The following LHX6 variants were observed in gnomAD, a reference collection of about 807,000 sequenced individuals.
LHX6 encodes LIM homeobox 6, also known as LIM/homeobox protein Lhx6.
In LHX6, 15 loss-of-function variants were observed where a neutral mutation model predicts 47.1. The ratio of observed to expected loss-of-function variants is 0.32; its 90% CI spans 0.21 to 0.49. The LOEUF (loss-of-function observed/expected upper bound fraction) is 0.49, where lower values mean the gene tolerates loss of function less well. LHX6 is among the 20% of genes least tolerant of loss of function. The pLI is 0.99. For synonymous variants in LHX6, 242 were observed against 233.5 expected, an observed-to-expected ratio of 1.04 and a Z score of -0.33; for missense variants, 404 against 539.6, an observed-to-expected ratio of 0.75 and a Z score of 2.49.
intron 8 of LHX6, among the ~76,000 whole-genome samples, chr9:122,211,585 C>T (rs138127157): frequency 4.9e-4 from 75 of 152,332 alleles, no homozygotes; most frequent in African/African-American, 1.8e-3. Flanking sequence ...TACCATAGAG[C>T]AAACTGCTGT....
At chr9:122,223,132 G>A (rs572873479) in intron 4 of LHX6, among the ~76,000 whole-genome samples, 14 of 152,170 alleles carry the variant, frequency 9.2e-5, no homozygotes, top group East Asian at 1.9e-4. Context: ...GCACTCGATC[G>A]GCTTTTTCTT....
intron 2 of LHX6, 178 bp downstream of exon 2, chr9:122,227,231 T>C: frequency 1.3e-6 from 1 of 794,056 alleles, no homozygotes; most frequent in Non-Finnish European, 1.9e-6. Context: ...GCATTCTGGG[T>C]GCTGGGAGCG....
chr9:122,206,638 T>G (rs978224316), intron 9 of LHX6, among the ~76,000 whole-genome samples: 1 of 151,966 alleles, frequency 6.6e-6, no homozygotes, highest in Non-Finnish European at 1.5e-5. Context: ...GCATGGCTCA[T>G]CCCCCAGGCT....
chr9:122,209,604 C>T lies in LHX6; in HGVS notation c.1158+10G>A, dbSNP rs749006798. On this transcript the variant is annotated intron_variant, in intron 9 of 9. Coordinates refer to ENST00000394319, the MANE Select transcript of LHX6 (RefSeq NM_014368.5). ...CTCTGACCCACCAGACCCAACCTGG[C>T]TCCATTTACCTTCTCACCCCGGTTG... The T allele has an allele frequency of 8.1e-6, 13 of 1,613,098 alleles. No individual in the cohort carries two copies. The East Asian group carries it at 1.1e-4, about 14-fold the overall frequency.
intron 4 of LHX6, among the ~76,000 whole-genome samples, chr9:122,225,590 GCCCAGTTCT>G (rs961313055): frequency 6.6e-6 from 1 of 152,252 alleles, no homozygotes; most frequent in African/African-American, 2.4e-5. Context: ...GGCTCCGGGT[GCCCAGTTCT>G]CCCACTTCCC....
rs1831094062 is a variant in LHX6 at position 122,226,290 on chromosome 9, G to A, written c.461+86C>T. 7 of 1,499,930 alleles carry A rather than the reference G, an allele frequency of 4.7e-6. No homozygotes were observed. Among genetic ancestry groups the A allele is most frequent in the Admixed American group, 2.1e-5 (1 of 46,970 alleles). The allele number at this position is 1,499,930 out of a possible 1,614,324, so 92.9% of individuals were successfully genotyped here. ...CACTCGGGACGCCGGGGTTCTGGAGGAGAGACCACACGCCGCAAAAGTGGC... is the reference window on the plus strand; with the variant it reads ...CACTCGGGACGCCGGGGTTCTGGAGAAGAGACCACACGCCGCAAAAGTGGC... On this transcript the variant is annotated intron_variant, in intron 4 of 9. Coordinates refer to ENST00000394319, the MANE Select transcript of LHX6 (RefSeq NM_014368.5). The surrounding 1 kb of genome is among the most constrained non-coding windows in gnomAD (Gnocchi z 6.5).
chr9:122,221,282 C>T (rs1830843672), intron 4 of LHX6: 2 of 985,258 alleles, frequency 2.0e-6, no homozygotes, highest in Non-Finnish European at 2.4e-6. Context: ...CTCGGAGGTC[C>T]CGGCCCCGAG....
intron 9 of LHX6, among the ~76,000 whole-genome samples, chr9:122,205,672 AATG>A (rs1332194350): frequency 2.6e-5 from 4 of 152,158 alleles, no homozygotes; most frequent in African/African-American, 9.7e-5. Flanking sequence ...GGAGGAAAGC[AATG>A]ATGATGATCA....
At chr9:122,211,093 G>C (rs1050486289) in intron 8 of LHX6, among the ~76,000 whole-genome samples, 2 of 152,144 alleles carry the variant, frequency 1.3e-5, no homozygotes, top group African/African-American at 4.8e-5. Flanking sequence ...GTCCACCTTT[G>C]GGTCGGATCC....
chr9:122,213,083 C>T lies in LHX6; in HGVS notation c.1054+523G>A, dbSNP rs1337837242. Among the ~76,000 whole-genome samples the T allele has an allele frequency of 6.6e-6, 1 of 152,026 alleles. No individual in the cohort carries two copies. Among genetic ancestry groups the T allele is most frequent in the African/African-American group, 2.4e-5 (1 of 41,404 alleles). ...ACGATGCTTTCTGGGCCAGGGCCTG[C>T]GTGCATTCCGTTCCCCCACTCCAGG... On this transcript the variant is annotated intron_variant, in intron 8 of 9. Coordinates refer to ENST00000394319, the MANE Select transcript of LHX6 (RefSeq NM_014368.5). The surrounding 1 kb of genome is among the most constrained non-coding windows in gnomAD (Gnocchi z 5.5).
At position 122,213,907 on chromosome 9, in the gene LHX6, C is replaced by T. The variant is rs760508737; in HGVS notation, c.879+67G>A. The stretch of plus-strand genomic sequence containing the variant: ...GGCCACGTGCACGCACCACCCTCCG[C>T]GCCGAGCCCAGCTACGAGCTCCGGG... On this transcript the variant is annotated intron_variant, in intron 7 of 9. Coordinates refer to ENST00000394319, the MANE Select transcript of LHX6 (RefSeq NM_014368.5). The surrounding 1 kb of genome is among the most constrained non-coding windows in gnomAD (Gnocchi z 5.5). 7 of 1,536,978 alleles carry T rather than the reference C, an allele frequency of 4.6e-6. No homozygotes were observed. Among genetic ancestry groups the T allele is most frequent in the Non-Finnish European group, 6.2e-6 (7 of 1,132,824 alleles).
chr9:122,228,727 T>A lies in LHX6; in HGVS notation c.14A>T (p.His5Leu). ...GGGCAACGCCGGGGCGGCGTTCTCA[T>A]GCTTCCAGTACATGGGCCGGGGAAC... is the stretch of plus-strand genomic sequence containing the variant. MYWK[H>L]ENAAPALPEG... The change falls in exon 1 of 10, where the codon CAT (histidine) becomes CTT (leucine). Residue 5 changes from histidine (H) to leucine (L), a missense_variant. Coordinates refer to ENST00000394319, the MANE Select transcript of LHX6 (RefSeq NM_014368.5). 7.7e-7 allele frequency: 1 copy of A among 1,292,888 alleles called. No homozygotes were observed. The highest frequency in any genetic ancestry group is 9.8e-7 in the Non-Finnish European group (1 of 1,018,874). 80.1% of individuals were successfully genotyped at this position (1,292,888 alleles called of 1,614,324 possible).
Position 122,213,830 on chromosome 9 carries a change from C to A in LHX6, c.880-50G>T. ...CAGCCTCGAGGAAAAGAGTCGGACG[C>A]GCCGCCGGGAGACCCCAGGCGGGAC... On this transcript the variant is annotated intron_variant, in intron 7 of 9. Transcript: ENST00000394319. This position sits in a 1 kb window ranked among gnomAD's most constrained non-coding sequence, Gnocchi z 5.5. The A allele has an allele frequency of 6.5e-7, 1 of 1,547,486 alleles. No individual in the cohort carries two copies. The highest frequency in any genetic ancestry group is 8.7e-7 in the Non-Finnish European group (1 of 1,146,410).
chr9:122,206,233 C>T (rs1345568049), intron 9 of LHX6, among the ~76,000 whole-genome samples: 2 of 152,166 alleles, frequency 1.3e-5, no homozygotes, highest in African/African-American at 4.8e-5. Context: ...CCTGAGTGCT[C>T]AGAGCACTGT....
intron 4 of LHX6, among the ~76,000 whole-genome samples, chr9:122,222,384 T>C (rs1830900840): frequency 1.3e-5 from 2 of 152,170 alleles, no homozygotes. Flanking sequence ...GTGAAGAAAT[T>C]AAGAGTCCTG....
intron 4 of LHX6, among the ~76,000 whole-genome samples, chr9:122,225,537 G>C (rs1039105578): frequency 3.9e-5 from 6 of 152,256 alleles, no homozygotes; most frequent in African/African-American, 1.2e-4. Flanking sequence ...TGCTGGACGC[G>C]GCCTGCAGTA....
rs114083078 is a variant in LHX6 at position 122,226,875 on chromosome 9, G to C, written c.312C>G (p.Leu104=). ...TGAGCAGATATCGGTCCAGGATCTCGAGGCCGCAGCTGGAGCAGATGTTCT... is the reference window on the plus strand; with the variant it reads ...TGAGCAGATATCGGTCCAGGATCTCCAGGCCGCAGCTGGAGCAGATGTTCT... ...AGKNICSSCG[L]EILDRYLLKV... is the part of the protein sequence containing the mutation. The change falls in exon 3 of 10, where the codon CTC becomes CTG. Residue 104 remains leucine, a synonymous_variant. Coordinates refer to ENST00000394319, the MANE Select transcript of LHX6 (RefSeq NM_014368.5). This position sits in a 1 kb window ranked among gnomAD's most constrained non-coding sequence, Gnocchi z 6.5. The C allele has an allele frequency of 1.4e-5, 22 of 1,568,136 alleles. No individual in the cohort carries two copies. The East Asian group carries it at 4.7e-4, about 33-fold the overall frequency.
At chr9:122,228,509 G>A (rs1386172408) in intron 1 of LHX6, 148 bp downstream of exon 1, 2 of 1,358,126 alleles carry the variant, frequency 1.5e-6, no homozygotes, top group African/African-American at 1.8e-5. Context: ...GCTCGCGCGC[G>A]CGCTCCCACA....
At chr9:122,227,147 A>G in intron 2 of LHX6, 117 bp from the exon 3 acceptor site, 1 of 1,011,596 alleles carries the variant, frequency 9.9e-7, no homozygotes, top group Admixed American at 3.0e-5. Flanking sequence ...CCCCAGGACA[A>G]TGCGCCGTAG....
Sources: gnomAD v4.1 joint callset for allele counts (sites outside exome capture counted in the v4.1 genomes callset) on GRCh38, gnomAD v4.1.1 for gene constraint, Gnocchi (gnomAD v3.1) non-coding constraint, MANE v1.5 for transcripts, NCBI Gene and HGNC (gene_info 2026-07-23, HGNC 2026-07-21) for gene names.